ZNF638: variants seen among roughly 807,000 people sequenced by gnomAD.
ZNF638 encodes the protein CTCL tumor antigen se33-1.
A neutral mutation model predicts 195.6 loss-of-function variants in ZNF638; 46 were observed. The ratio of observed to expected loss-of-function variants is 0.24; its 90% CI spans 0.19 to 0.30. The LOEUF is 0.30. Ranked by LOEUF, ZNF638 falls within the 10% of genes least tolerant of loss-of-function variation. The pLI is 1.00. For synonymous variants in ZNF638, 845 were observed against 772.0 expected, an observed-to-expected ratio of 1.09 and a Z score of -1.57; for missense variants, 2,440 against 2,325.3, an observed-to-expected ratio of 1.05 and a Z score of -1.01.
chr2:71,363,655 CATAATTGGA>C (rs1018420007), intron 4 of ZNF638, among the ~76,000 whole-genome samples: 9 of 152,146 alleles, frequency 5.9e-5, no homozygotes, highest in Non-Finnish European at 1.2e-4. Flanking sequence ...ACTTTAAAAA[CATAATTGGA>C]ATAATGTTGG....
intron 2 of ZNF638, among the ~76,000 whole-genome samples, chr2:71,350,860 T>C (rs2078927817): frequency 6.6e-6 from 1 of 152,184 alleles, no homozygotes; most frequent in Non-Finnish European, 1.5e-5. Flanking sequence ...AGCTGTGGAC[T>C]CAGAAAATAG....
chr2:71,423,466 A>G lies in ZNF638; in HGVS notation c.3952A>G (p.Lys1318Glu), dbSNP rs1456344020. ...DEKEEKEFNT[K>E]ETRMDLQIGT... ...AAAGGAGGAGAAGGAATTTAATACT[A>G]AGGAAACCAGAATGGATCTTCAAAT... Residue 1318 changes from lysine to glutamate, a missense_variant, in exon 22 of 28, where the codon AAG becomes GAG. This residue lies in a region of ZNF638 where 1,883 missense variants were observed against 1,739.1 expected (regional missense o/e 1.08). Coordinates refer to ENST00000264447, the MANE Select transcript of ZNF638 (RefSeq NM_014497.5). 2 of 1,613,378 alleles carry G rather than the reference A, an allele frequency of 1.2e-6. No homozygotes were observed. Among genetic ancestry groups the G allele is most frequent in the Non-Finnish European group, 1.7e-6 (2 of 1,179,896 alleles).
In ZNF638 at chr2:71,427,246, G is replaced by A. The variant is rs765900622; in HGVS notation, c.5377G>A (p.Glu1793Lys). Residue 1793 changes from glutamate to lysine, a missense_variant, in exon 24 of 28, where the codon GAG becomes AAG. By Grantham distance (56) the Glu-to-Lys change is moderately conservative. Coordinates refer to ENST00000264447, the MANE Select transcript of ZNF638 (RefSeq NM_014497.5). ...EEDGDNDLKV[E>K]LAQSKNDHPT... ...AGATGGAGATAATGATTTAAAAGTT[G>A]AGTTAGCACAAAGCAAAAATGACCA... The A allele has an allele frequency of 1.1e-5, 18 of 1,613,142 alleles. No homozygotes were observed. In the Admixed American group the frequency reaches 3.0e-4, roughly 27 times the overall value.
rs368031842 is a variant in ZNF638 at position 71,372,904 on chromosome 2, G to A, written c.2265+2899G>A. On this transcript the variant is annotated intron_variant, in intron 8 of 27. Coordinates refer to ENST00000264447, the MANE Select transcript of ZNF638 (RefSeq NM_014497.5). Reference sequence around the variant, plus strand: ...TTCTCTGTATGAATATACCACAGATGTATTACCAATTCCTTACTGATTGAT... The same window carrying A: ...TTCTCTGTATGAATATACCACAGATATATTACCAATTCCTTACTGATTGAT... Among the ~76,000 whole-genome samples, 6 of 152,158 alleles carry A rather than the reference G, an allele frequency of 3.9e-5. No homozygotes were observed. The South Asian group carries it at 8.3e-4, about 21-fold the overall frequency.
intron 25 of ZNF638, among the ~76,000 whole-genome samples, chr2:71,429,921 A>G (rs2080621921): frequency 6.6e-6 from 1 of 152,186 alleles, no homozygotes; most frequent in Non-Finnish European, 1.5e-5. Context: ...ATCTTTGATA[A>G]CCAAGCTATA....
chr2:71,388,086 C>T (rs2079681309), intron 10 of ZNF638, among the ~76,000 whole-genome samples: 1 of 151,998 alleles, frequency 6.6e-6, no homozygotes, highest in Non-Finnish European at 1.5e-5. Context: ...TTCAGTTAAC[C>T]ATGTTAGGTT....
chr2:71,344,806 T>C (rs2078823725), intron 1 of ZNF638, among the ~76,000 whole-genome samples: 1 of 152,226 alleles, frequency 6.6e-6, no homozygotes, highest in Admixed American at 6.5e-5. Context: ...AAAAGGAAAC[T>C]ATAATACCTT....
chr2:71,377,657 G>C (rs112140109), intron 8 of ZNF638, among the ~76,000 whole-genome samples: 7 of 152,346 alleles, frequency 4.6e-5, no homozygotes, highest in African/African-American at 1.7e-4. Flanking sequence ...TGGTGAGCAA[G>C]AGAGGTGTGA....
intron 8 of ZNF638, chr2:71,379,644 A>G (rs372633258): frequency 2.0e-5 from 3 of 152,228 alleles, no homozygotes; most frequent in Admixed American, 1.3e-4. Flanking sequence ...TAAGGAGAGA[A>G]AAAAATTGTA....
intron 10 of ZNF638, among the ~76,000 whole-genome samples, chr2:71,382,864 A>G (rs2079557406): frequency 6.6e-6 from 1 of 152,238 alleles, no homozygotes; most frequent in Non-Finnish European, 1.5e-5. Context: ...AATAAGGTAA[A>G]AATGACTTAT....
chr2:71,368,652 A>G (rs982016521), intron 7 of ZNF638, 124 bp downstream of exon 7: 15 of 1,044,022 alleles, frequency 1.4e-5, no homozygotes, highest in Non-Finnish European at 2.8e-6. Context: ...AGTTATATAA[A>G]TGTCTGGATG....
At chr2:71,345,339 CT>C (rs1316137896) in intron 1 of ZNF638, among the ~76,000 whole-genome samples, 1 of 152,060 alleles carries the variant, frequency 6.6e-6, no homozygotes, top group Admixed American at 6.6e-5. Flanking sequence ...ATAATGCTTA[CT>C]TTTTTTAACC....
intron 19 of ZNF638, 43 bp from the exon 20 acceptor site, chr2:71,408,079 T>G: frequency 6.3e-7 from 1 of 1,577,562 alleles, no homozygotes; most frequent in Non-Finnish European, 8.6e-7. Context: ...CTAATTCCAA[T>G]TTTTTTAAAG....
intron 19 of ZNF638, chr2:71,407,110 G>A (rs1021994483): frequency 8.5e-5 from 13 of 152,098 alleles, no homozygotes; most frequent in African/African-American, 3.1e-4. Flanking sequence ...TCAGCTACAT[G>A]TTCATTAAAA....
At chr2:71,416,969 G>C (rs931432224) in intron 20 of ZNF638, among the ~76,000 whole-genome samples, 2 of 150,882 alleles carry the variant, frequency 1.3e-5, no homozygotes, top group Non-Finnish European at 2.9e-5. Context: ...AGCCTACAGA[G>C]GCAGGCAGGC....
rs1392132540 is a variant in ZNF638, at chr2:71,423,637, GAAACTAGTA to G, written c.4133_4141del (p.Lys1378_Ser1380del). The G allele has an allele frequency of 1.2e-6, 2 of 1,613,728 alleles. No individual in the cohort carries two copies. Among genetic ancestry groups the G allele is most frequent in the Admixed American group, 1.7e-5 (1 of 59,942 alleles). On this transcript the variant is annotated inframe_deletion, in exon 22 of 28. Transcript: ENST00000264447. ...AGTGGGTCAGGCTAATAAGCCTGAT[GAAACTAGTA>G]AAACTAGTATTCTGGCTGTATCAGA...
chr2:71,411,328 AT>A (rs1343265006), intron 20 of ZNF638, among the ~76,000 whole-genome samples: 1 of 151,180 alleles, frequency 6.6e-6, no homozygotes. Context: ...TTATTTTTTG[AT>A]TTATTTCCTT....
intron 1 of ZNF638, among the ~76,000 whole-genome samples, chr2:71,333,920 A>G (rs534277105): frequency 6.6e-6 from 1 of 152,328 alleles, no homozygotes; most frequent in South Asian, 2.1e-4. Flanking sequence ...CTTAGGCAGC[A>G]TTGTTTGATA....
intron 8 of ZNF638, chr2:71,375,648 A>G (rs2079407507): frequency 6.6e-6 from 1 of 152,216 alleles, no homozygotes; most frequent in Non-Finnish European, 1.5e-5. Flanking sequence ...CTTAAACTTT[A>G]TCCTGTAGAG....
Sources: gnomAD v4.1 joint callset for allele counts (sites outside exome capture counted in the v4.1 genomes callset) on GRCh38, gnomAD v4.1.1 for gene constraint, gnomAD v4.1.1 regional missense constraint, MANE v1.5 for transcripts, NCBI Gene and HGNC (gene_info 2026-07-23, HGNC 2026-07-21) for gene names.